The following DMD variants were observed in gnomAD, a reference collection of about 807,000 sequenced individuals.
DMD encodes mutant dystrophin.
DMD carries 63 observed loss-of-function variants against 330.1 expected under a neutral mutation model. The observed-to-expected ratio is 0.19, with a 90% CI of 0.16 to 0.24. DMD has a LOEUF of 0.24. Ranked by LOEUF, DMD falls within the 10% of genes least tolerant of loss-of-function variation. The probability of loss-of-function intolerance (pLI) is 1.00; values close to 1 mark genes in which losing one functional copy is unlikely to be tolerated. For synonymous variants in DMD, 1,223 were observed against 959.8 expected, an observed-to-expected ratio of 1.27 and a Z score of -5.07; for missense variants, 3,344 against 2,684.1, an observed-to-expected ratio of 1.25 and a Z score of -5.43.
intron 43 of DMD, 36 bp downstream of exon 43, chrX:32,287,493 T>C: frequency 8.5e-7 from 1 of 1,173,774 alleles, no homozygotes; most frequent in Non-Finnish European, 1.2e-6. Context: ...ACAAATCATT[T>C]CTGCAAGTAT....
chrX:31,314,744 G>GAGAGAGAGAGAGAGAGAGAGAA lies in DMD; in HGVS notation c.9224+8853_9224+8854insTTCTCTCTCTCTCTCTCTCTCT, dbSNP rs1556488418. Among the ~76,000 whole-genome samples, 55 of 52,048 alleles carry GAGAGAGAGAGAGAGAGAGAGAA rather than the reference G, an allele frequency of 1.1e-3. 1 individual carries two copies. The highest frequency in any genetic ancestry group is 3.3e-3 in the African/African-American group (51 of 15,243). 45.2% of individuals were successfully genotyped at this position (52,048 alleles called of 115,157 possible). Reference sequence around the variant, plus strand: ...TTCTTTAAAAAAGAATACATACACAGAGAGAGAGAGAGAGAGAGAGAGAGA... The same window carrying GAGAGAGAGAGAGAGAGAGAGAA: ...TTCTTTAAAAAAGAATACATACACAGAGAGAGAGAGAGAGAGAGAGAAAGAGAGAGAGAGAGAGAGAGAGAGA... On this transcript the variant is annotated intron_variant, in intron 62 of 78. Transcript: ENST00000357033.
At chrX:32,122,418 T>C (rs944301519) in intron 44 of DMD, among the ~76,000 whole-genome samples, 1 of 111,775 alleles carries the variant, frequency 8.9e-6, no homozygotes, top group Non-Finnish European at 1.9e-5. Flanking sequence ...TTGGTATAAT[T>C]ACCAGTCACA....
chrX:32,518,460 T>G (rs2148807635), intron 17 of DMD, among the ~76,000 whole-genome samples: 1 of 107,421 alleles, frequency 9.3e-6, no homozygotes, highest in East Asian at 2.9e-4. Context: ...TAACCTTTTC[T>G]TTTTGGAAAG....
At chrX:31,360,186 A>G (rs1251613465) in intron 60 of DMD, among the ~76,000 whole-genome samples, 1 of 111,880 alleles carries the variant, frequency 8.9e-6, no homozygotes, top group African/African-American at 3.2e-5. Flanking sequence ...AGGTTTAAGA[A>G]TAGAGACTTC....
At chrX:31,407,099 T>C (rs751361388) in intron 60 of DMD, among the ~76,000 whole-genome samples, 7 of 112,681 alleles carry the variant, frequency 6.2e-5, no homozygotes, top group Non-Finnish European at 1.1e-4. Context: ...ATAGGCATCA[T>C]AGAAAAATGC....
chrX:32,956,424 A>C (rs1336918812), intron 2 of DMD, among the ~76,000 whole-genome samples: 1 of 110,876 alleles, frequency 9.0e-6, no homozygotes, highest in African/African-American at 3.3e-5. Flanking sequence ...TATTCTTTCT[A>C]TGGCAGTTGT....
chrX:33,238,994 C>T (rs1340137216), intron 1 of DMD, among the ~76,000 whole-genome samples: 1 of 110,441 alleles, frequency 9.1e-6, no homozygotes, highest in East Asian at 2.8e-4. Context: ...TGGTGGCTCA[C>T]ACTTGTAATC....
intron 1 of DMD, among the ~76,000 whole-genome samples, chrX:33,294,443 A>G (rs1231720007): frequency 9.0e-6 from 1 of 111,147 alleles, no homozygotes; most frequent in African/African-American, 3.3e-5. Flanking sequence ...CTTCACCCCA[A>G]CCTTCAGGAC....
intron 54 of DMD, among the ~76,000 whole-genome samples, chrX:31,635,750 G>A (rs2079374930): frequency 9.0e-6 from 1 of 111,582 alleles, no homozygotes; most frequent in Admixed American, 9.5e-5. Context: ...GTACTCTCTT[G>A]TGGTTAATAA....
At chrX:33,319,352 G>A (rs1382064414) in intron 1 of DMD, among the ~76,000 whole-genome samples, 1 of 111,370 alleles carries the variant, frequency 9.0e-6, no homozygotes, top group Non-Finnish European at 1.9e-5. Context: ...TCCATAATCA[G>A]AGAAGGGAGG....
At chrX:32,630,328 T>C (rs774349638) in intron 11 of DMD, among the ~76,000 whole-genome samples, 2 of 111,552 alleles carry the variant, frequency 1.8e-5, no homozygotes, top group East Asian at 5.6e-4. Context: ...ATGTGATTTT[T>C]TTTTTTATAT....
intron 48 of DMD, among the ~76,000 whole-genome samples, chrX:31,855,975 C>T (rs995650931): frequency 3.6e-5 from 4 of 111,867 alleles, no homozygotes; most frequent in Non-Finnish European, 5.6e-5. Flanking sequence ...TAGCCATTTT[C>T]ACTAGTCTCC....
intron 55 of DMD, among the ~76,000 whole-genome samples, chrX:31,581,544 G>A (rs1434534934): frequency 9.0e-6 from 1 of 111,166 alleles, no homozygotes; most frequent in Non-Finnish European, 1.9e-5. Context: ...TCTTCCTAAT[G>A]GTCTATATCT....
intron 1 of DMD, among the ~76,000 whole-genome samples, chrX:33,249,660 G>T (rs1415732951): frequency 1.8e-5 from 2 of 111,520 alleles, no homozygotes; most frequent in African/African-American, 6.5e-5. Flanking sequence ...AAAATGCAAG[G>T]AATTGAAAAT....
intron 62 of DMD, among the ~76,000 whole-genome samples, chrX:31,265,349 G>T (rs959990514): frequency 3.6e-5 from 4 of 111,703 alleles, no homozygotes; most frequent in Admixed American, 9.5e-5. Context: ...TAAAGTTTCT[G>T]CTACCGTGGG....
intron 55 of DMD, among the ~76,000 whole-genome samples, chrX:31,542,658 C>T (rs2073899500): frequency 8.9e-6 from 1 of 112,011 alleles, no homozygotes; most frequent in Non-Finnish European, 1.9e-5. Context: ...GAAGATGGGG[C>T]TACAGAGGTG....
chrX:32,722,708 A>T lies in DMD; in HGVS notation c.650-23415T>A, dbSNP rs370694763. Among the ~76,000 whole-genome samples, 22 of 110,971 alleles carry T rather than the reference A, an allele frequency of 2.0e-4. 2 individuals carry two copies. Among genetic ancestry groups the T allele is most frequent in the Admixed American group, 1.7e-3 (18 of 10,347 alleles). ...GGTCTTAAATATTTTATTCTATGTT[A>T]TCATAAATAGAATTTTTTAAAATTT... On this transcript the variant is annotated intron_variant, in intron 7 of 78. Coordinates refer to ENST00000357033, the MANE Select transcript of DMD (RefSeq NM_004006.3).
intron 1 of DMD, among the ~76,000 whole-genome samples, chrX:33,118,145 C>G: frequency 1.0e-5 from 1 of 99,157 alleles, no homozygotes; most frequent in Admixed American, 1.2e-4. Context: ...GAGTCTCGCT[C>G]TGTCGCCCAG....
chrX:33,165,140 C>T (rs553805821), intron 1 of DMD, among the ~76,000 whole-genome samples: 10 of 110,776 alleles, frequency 9.0e-5, no homozygotes, highest in African/African-American at 2.9e-4. Context: ...ACTCTAATAA[C>T]GAATTTGAAA....
Sources: gnomAD v4.1 joint callset for allele counts (sites outside exome capture counted in the v4.1 genomes callset) on GRCh38, gnomAD v4.1.1 for gene constraint, MANE v1.5 for transcripts, NCBI Gene and HGNC (gene_info 2026-07-23, HGNC 2026-07-21) for gene names.